ANXA10: variants seen among roughly 807,000 people sequenced by gnomAD.
The protein encoded by ANXA10 is annexin A10.
Under a neutral mutation model 53.5 loss-of-function variants are expected in ANXA10, and 49 were observed. That is an observed-to-expected ratio of 0.92 (90% CI 0.73 to 1.16). The LOEUF (loss-of-function observed/expected upper bound fraction) is 1.16. Among genes scored for constraint, ANXA10 ranks in the 50% most tolerant of loss-of-function variants. The pLI, the probability that ANXA10 is intolerant of heterozygous loss-of-function variation, is 0.00. For synonymous variants in ANXA10, 131 were observed against 128.9 expected (o/e 1.02, Z -0.11); for missense variants, 393 against 394.4 (o/e 1.00, Z 0.03).
chr4:168,098,997 A>C (rs1730597490), intron 1 of ANXA10, among the ~76,000 whole-genome samples: 1 of 152,156 alleles, frequency 6.6e-6, no homozygotes, highest in South Asian at 2.1e-4. Context: ...TTATCATTCT[A>C]TCTCTTAATT....
At chr4:168,161,284 A>T (rs1731778592) in intron 3 of ANXA10, among the ~76,000 whole-genome samples, 1 of 152,008 alleles carries the variant, frequency 6.6e-6, no homozygotes, top group Admixed American at 6.6e-5. Context: ...ATATAACTAG[A>T]CACTTCTCCC....
chr4:168,110,480 T>G (rs1730791231), intron 1 of ANXA10, among the ~76,000 whole-genome samples: 6 of 151,634 alleles, frequency 4.0e-5, no homozygotes, highest in Non-Finnish European at 1.5e-5. Flanking sequence ...ACATCTTATT[T>G]CATTGACTAG....
chr4:168,156,435 A>T (rs1731684887), intron 3 of ANXA10, among the ~76,000 whole-genome samples: 1 of 123,970 alleles, frequency 8.1e-6, no homozygotes, highest in Non-Finnish European at 1.6e-5. Flanking sequence ...ACTATATAAT[A>T]TATAATTTTA....
At position 168,118,391 on chromosome 4, in the gene ANXA10, G is replaced by T. The variant is rs570021214; in HGVS notation, c.19-9693G>T. Among the ~76,000 whole-genome samples the T allele has an allele frequency of 2.6e-5, 4 of 152,312 alleles. No individual in the cohort carries two copies. In the South Asian group the frequency reaches 8.3e-4, roughly 32 times the overall value. ...ACCATGTATTTTCTATTTCAGGGAG[G>T]AAGCTATTGTAACTCTGCAGGGTCT... On this transcript the variant is annotated intron_variant, in intron 1 of 11. Coordinates refer to ENST00000359299, the MANE Select transcript of ANXA10 (RefSeq NM_007193.5).
intron 1 of ANXA10, among the ~76,000 whole-genome samples, chr4:168,117,935 A>ACTCCCTCC (rs34260585): frequency 1.4e-5 from 2 of 146,456 alleles, no homozygotes; most frequent in African/African-American, 5.3e-5. Flanking sequence ...TCACTCACTC[A>ACTCCCTCC]CTCCCTCCCT....
At chr4:168,186,896 C>A (rs907763459) in intron 11 of ANXA10, among the ~76,000 whole-genome samples, 32 of 152,082 alleles carry the variant, frequency 2.1e-4, no homozygotes, top group Admixed American at 1.8e-3. Context: ...ATATTTTTAG[C>A]ACAAAACTTT....
intron 10 of ANXA10, 57 bp downstream of exon 10, chr4:168,181,798 GGATT>G: frequency 7.9e-7 from 1 of 1,258,430 alleles, no homozygotes; most frequent in Non-Finnish European, 1.1e-6. Flanking sequence ...TTTTCTCAAA[GGATT>G]AATTTTACTT....
intron 5 of ANXA10, 67 bp downstream of exon 5, chr4:168,164,355 C>A: frequency 8.7e-7 from 1 of 1,155,606 alleles, no homozygotes; most frequent in Non-Finnish European, 1.3e-6. Flanking sequence ...TTAAATATTC[C>A]AGTTTATGTA....
chr4:168,109,813 T>TA (rs1242938443), intron 1 of ANXA10, among the ~76,000 whole-genome samples: 1 of 152,228 alleles, frequency 6.6e-6, no homozygotes, highest in Non-Finnish European at 1.5e-5. Context: ...CCTGAGAAAT[T>TA]AAAAATTACC....
intron 1 of ANXA10, among the ~76,000 whole-genome samples, chr4:168,105,313 T>C (rs981779320): frequency 3.9e-5 from 6 of 152,006 alleles, no homozygotes; most frequent in Non-Finnish European, 7.4e-5. Flanking sequence ...TTCCCTTCTA[T>C]ATGTCCATGT....
At chr4:168,167,760 G>T (rs2149478214) in intron 6 of ANXA10, among the ~76,000 whole-genome samples, 1 of 152,276 alleles carries the variant, frequency 6.6e-6, no homozygotes, top group East Asian at 1.9e-4. Flanking sequence ...TCTCCGGTAT[G>T]ACTTTCTTTG....
intron 1 of ANXA10, among the ~76,000 whole-genome samples, chr4:168,121,420 T>C (rs1019507169): frequency 6.6e-6 from 1 of 152,174 alleles, no homozygotes; most frequent in Non-Finnish European, 1.5e-5. Flanking sequence ...ATTTTAACTT[T>C]CTTCAAAAAG....
At chr4:168,177,425 G>A (rs995407563) in intron 6 of ANXA10, among the ~76,000 whole-genome samples, 2 of 152,164 alleles carry the variant, frequency 1.3e-5, no homozygotes, top group African/African-American at 4.8e-5. Flanking sequence ...GCCATGGTCA[G>A]GCAGTGGATA....
rs1731294898 is a variant in ANXA10 at position 168,139,577 on chromosome 4, C to G, written c.192C>G (p.Gly64=). 1 of 1,607,086 alleles carries G rather than the reference C, an allele frequency of 6.2e-7. No homozygotes were observed. ...CAGAGGCATACCAGAGCATGTATGGCCGGGTAAGGCCACTTTATCTTGACC... is the reference window on the plus strand; with the variant it reads ...CAGAGGCATACCAGAGCATGTATGGGCGGGTAAGGCCACTTTATCTTGACC... The part of the protein sequence containing the change: ...MIAEAYQSMY[G]RDLIGDMREQ... The change falls in exon 3 of 12, where the codon GGC becomes GGG. Residue 64 remains glycine (G), a synonymous_variant. Transcript: ENST00000359299.
intron 2 of ANXA10, among the ~76,000 whole-genome samples, chr4:168,138,121 C>T (rs1355547415): frequency 7.2e-5 from 11 of 151,880 alleles, no homozygotes. Context: ...GCCACCACAC[C>T]CGGCTAATTT....
intron 8 of ANXA10, 110 bp downstream of exon 8, chr4:168,178,093 G>C: frequency 1.0e-6 from 1 of 1,000,490 alleles, no homozygotes; most frequent in Non-Finnish European, 1.5e-6. Context: ...CGGAAAGTCA[G>C]TTATCTCAAA....
intron 3 of ANXA10, among the ~76,000 whole-genome samples, chr4:168,157,212 T>A (rs1416010878): frequency 6.6e-6 from 1 of 152,162 alleles, no homozygotes; most frequent in Non-Finnish European, 1.5e-5. Context: ...AAATAAACTT[T>A]ATTTATGTTA....
chr4:168,109,020 T>C (rs1173407505), intron 1 of ANXA10, among the ~76,000 whole-genome samples: 1 of 152,222 alleles, frequency 6.6e-6, no homozygotes, highest in Non-Finnish European at 1.5e-5. Context: ...GAATCTGTTC[T>C]TCACTTTGGA....
intron 1 of ANXA10, among the ~76,000 whole-genome samples, chr4:168,115,073 TTTGCCATG>T (rs1730870515): frequency 6.6e-6 from 1 of 152,002 alleles, no homozygotes; most frequent in South Asian, 2.1e-4. Context: ...GAGATACGGT[TTTGCCATG>T]TTGCCTGCTC....
Sources: gnomAD v4.1 joint callset for allele counts (sites outside exome capture counted in the v4.1 genomes callset) on GRCh38, gnomAD v4.1.1 for gene constraint, MANE v1.5 for transcripts, NCBI Gene and HGNC (gene_info 2026-07-23, HGNC 2026-07-21) for gene names.